PRSS55: variants seen among roughly 807,000 people sequenced by gnomAD.
PRSS55 encodes the protein probable serine protease UNQ9391/PRO34284.
PRSS55 carries 41 observed loss-of-function variants against 23.6 expected under a neutral mutation model. The ratio of observed to expected loss-of-function variants is 1.74; its 90% CI spans 1.35 to 2.26. PRSS55 has a LOEUF of 2.26. Ranked by LOEUF, PRSS55 falls within the 30% of genes most tolerant of loss-of-function variation. The pLI is 0.00. For synonymous variants in PRSS55, 262 were observed against 175.5 expected, an observed-to-expected ratio of 1.49 and a Z score of -3.90; for missense variants, 669 against 439.1, an observed-to-expected ratio of 1.52 and a Z score of -4.68.
downstream of PRSS55, among the ~76,000 whole-genome samples, chr8:10,540,096 C>T (rs527376848): frequency 2.6e-4 from 40 of 152,330 alleles, no homozygotes; most frequent in African/African-American, 9.1e-4. Context: ...TCAGCCCCTC[C>T]GAGTTGCTTG....
At chr8:10,539,679 A>G (rs896836670), downstream of PRSS55, among the ~76,000 whole-genome samples, 9 of 152,134 alleles carry the variant, frequency 5.9e-5, no homozygotes, top group African/African-American at 2.2e-4. Context: ...TGGTTTTATA[A>G]GAGGTTTCCC....
At chr8:10,542,051 A>G (rs1812670998), downstream of PRSS55, among the ~76,000 whole-genome samples, 1 of 152,212 alleles carries the variant, frequency 6.6e-6, no homozygotes, top group Non-Finnish European at 1.5e-5. Flanking sequence ...TGCTGTGATG[A>G]CAGGCATTAA....
rs1349015198 is a variant in PRSS55, at chr8:10,538,806, G to C, written c.*13G>C. 2.0e-6 allele frequency: 3 copies of C among 1,535,070 alleles called. No homozygotes were observed. The highest frequency in any genetic ancestry group is 1.8e-4 in the Middle Eastern group (1 of 5,678). Reference sequence around the variant, plus strand: ...TATTTTGTACTGATAATAAAATAGAGGCTATTCTTTCAACCGAGGGAGGGT... The same window carrying C: ...TATTTTGTACTGATAATAAAATAGACGCTATTCTTTCAACCGAGGGAGGGT... On this transcript the variant is annotated 3_prime_UTR_variant, in exon 5 of 5. Coordinates refer to ENST00000328655, the MANE Select transcript of PRSS55 (RefSeq NM_198464.4).
chr8:10,538,981 C>A (rs568710947), downstream of PRSS55, among the ~76,000 whole-genome samples: 9 of 151,854 alleles, frequency 5.9e-5, no homozygotes, highest in African/African-American at 1.7e-4. Flanking sequence ...AGGACTTTTT[C>A]CATTCTAGGT....
chr8:10,551,383 T>C (rs1227873747), intron 4 of PRSS55, among the ~76,000 whole-genome samples: 2 of 152,260 alleles, frequency 1.3e-5, no homozygotes, highest in Non-Finnish European at 2.9e-5. Context: ...TCAGTTCTTT[T>C]CTTTGTGCTG....
rs144205813 is a variant in PRSS55 at position 10,531,364 on chromosome 8, C to T, written c.417C>T (p.Val139=). Residue 139 remains valine (V), a synonymous_variant, in exon 3 of 5, where the codon GTC becomes GTT. Transcript: ENST00000328655. ...LTSPSMEIKE[V]ASIILHKDFK... ...GCCCATCCATGGAAATAAAGGAGGT[C>T]GCCAGCATCATTCTTCACAAAGACT... 3.3e-5 allele frequency: 54 copies of T among 1,613,996 alleles called. No homozygotes were observed. Among genetic ancestry groups the T allele is most frequent in the Middle Eastern group, 1.6e-4 (1 of 6,084 alleles).
chr8:10,535,034 A>G (rs1812408117), intron 4 of PRSS55, among the ~76,000 whole-genome samples: 1 of 152,218 alleles, frequency 6.6e-6, no homozygotes, highest in Non-Finnish European at 1.5e-5. Context: ...CTCTACAATA[A>G]GAATTACAAA....
chr8:10,531,105 C>CTGTTT (rs36228433), intron 2 of PRSS55, among the ~76,000 whole-genome samples, 190 bp from the exon 3 acceptor site: 6 of 150,498 alleles, frequency 4.0e-5, no homozygotes, highest in Admixed American at 1.3e-4. Flanking sequence ...ACCAGCTATT[C>CTGTTT]TGTTTTGTTT....
intron 4 of PRSS55, among the ~76,000 whole-genome samples, 156 bp from the exon 5 acceptor site, chr8:10,538,320 C>A (rs1020019487): frequency 6.6e-6 from 1 of 152,224 alleles, no homozygotes; most frequent in African/African-American, 2.4e-5. Flanking sequence ...CCAGAGCCAA[C>A]CTGGCAGCCA....
chr8:10,541,374 G>T (rs1410081346), downstream of PRSS55: 2 of 152,210 alleles, frequency 1.3e-5, no homozygotes, highest in Non-Finnish European at 2.9e-5. Flanking sequence ...GGACAAAAAT[G>T]ATTGGCCTCC....
rs143626876 is a variant in PRSS55 at position 10,538,716 on chromosome 8, C to T, written c.982C>T (p.Pro328Ser). 807 of 1,613,676 alleles carry T rather than the reference C, an allele frequency of 5.0e-4. No individual in the cohort carries two copies. The highest frequency in any genetic ancestry group is 6.2e-4 in the Non-Finnish European group (732 of 1,179,826). ...TATGGGCTCCCCAGTCTCGGGAGTC[C>T]CAGAGCCAGGCAGCCCCAGATCCTG... ...KPMGSPVSGV[P>S]EPGSPRSWLL... The change falls in exon 5 of 5, where the codon CCA (proline) becomes TCA (serine). Residue 328 changes from proline to serine, a missense_variant. Pro to Ser is a moderately conservative substitution (Grantham distance 74, BLOSUM62 -1). Transcript: ENST00000328655.
rs1246831981 is a variant in PRSS55, at chr8:10,525,739, G to T, written c.154G>T (p.Glu52Ter). The T allele has an allele frequency of 1.9e-6, 3 of 1,601,330 alleles. No homozygotes were observed. In the African/African-American group the frequency reaches 4.0e-5, roughly 21 times the overall value. ...CCCTCATCCCCCCAGCCCAGTCAGT[G>T]GTGAGTACAGGGGCAGAAGGGGCAT... ...QPPHPPSPVS[E>*]CGDRSIFEGR... The change falls in exon 1 of 5, where the codon GAA (glutamate) becomes TAA (stop). Residue 52 changes from glutamate to a stop codon, truncating the protein, a stop_gained and splice_region_variant. Coordinates refer to ENST00000328655, the MANE Select transcript of PRSS55 (RefSeq NM_198464.4). LOFTEE classifies it high-confidence loss of function.
At chr8:10,545,131 C>T (rs1812784223) in intron 4 of PRSS55, 2 of 289,158 alleles carry the variant, frequency 6.9e-6, no homozygotes, top group South Asian at 1.3e-4. Flanking sequence ...CCAATACTTT[C>T]ATAAAACATA....
chr8:10,538,961 TG>T (rs1812557258), downstream of PRSS55: 2 of 578,398 alleles, frequency 3.5e-6, no homozygotes. Context: ...TTTGGGTCTG[TG>T]GATTAGTCAG....
At chr8:10,536,868 G>C (rs1364507054) in intron 4 of PRSS55, among the ~76,000 whole-genome samples, 1 of 152,176 alleles carries the variant, frequency 6.6e-6, no homozygotes, top group African/African-American at 2.4e-5. Flanking sequence ...CTACTTAAAG[G>C]TAGAGGGTAT....
At chr8:10,527,050 C>T (rs1170580873) in intron 1 of PRSS55, among the ~76,000 whole-genome samples, 3 of 152,318 alleles carry the variant, frequency 2.0e-5, no homozygotes, top group Admixed American at 2.0e-4. Context: ...CATACACACT[C>T]GGCATGTTCA....
chr8:10,538,512 C>A lies in PRSS55; in HGVS notation c.778C>A (p.Pro260Thr). 1 of 1,613,996 alleles carries A rather than the reference C, an allele frequency of 6.2e-7. No homozygotes were observed. Among genetic ancestry groups the A allele is most frequent in the Non-Finnish European group, 8.5e-7 (1 of 1,179,966 alleles). The change falls in exon 5 of 5, where the codon CCT becomes ACT. Residue 260 changes from proline (P) to threonine (T), a missense_variant. Physicochemically the swap from Pro to Thr is conservative, Grantham distance 38 (BLOSUM62 -1). Transcript: ENST00000328655. ...GGGGCCTCTGGTCTGCACCCCAGAG[C>A]CTGGTGAGAAGTGGTACCAGGTGGG... ...SGGPLVCTPE[P>T]GEKWYQVGII...
chr8:10,549,359 C>T (rs994970093), intron 4 of PRSS55, among the ~76,000 whole-genome samples: 6 of 152,120 alleles, frequency 3.9e-5, no homozygotes, highest in African/African-American at 1.2e-4. Flanking sequence ...GCCAGTGCCC[C>T]GGTGGGAGAT....
chr8:10,537,454 G>A (rs1277101912), intron 4 of PRSS55, among the ~76,000 whole-genome samples: 2 of 152,176 alleles, frequency 1.3e-5, no homozygotes, highest in South Asian at 2.1e-4. Flanking sequence ...GTTACCAGAG[G>A]CTGGGGAGGA....
Sources: gnomAD v4.1 joint callset for allele counts (sites outside exome capture counted in the v4.1 genomes callset) on GRCh38, gnomAD v4.1.1 for gene constraint, MANE v1.5 for transcripts, NCBI Gene and HGNC (gene_info 2026-07-23, HGNC 2026-07-21) for gene names.